IL17RA: variants seen among roughly 807,000 people sequenced by gnomAD.
IL17RA encodes the protein interleukin-17 receptor A.
A neutral mutation model predicts 50.4 loss-of-function variants in IL17RA; 34 were observed. The ratio of observed to expected loss-of-function variants is 0.67; its 90% CI spans 0.51 to 0.90. IL17RA has a LOEUF of 0.90. IL17RA is among the 40% of genes least tolerant of loss of function. The pLI is 0.00. For synonymous variants in IL17RA, 585 were observed against 510.4 expected, an observed-to-expected ratio of 1.15 and a Z score of -1.97; for missense variants, 1,276 against 1,169.8, an observed-to-expected ratio of 1.09 and a Z score of -1.32.
chr22:17,104,490 T>C (rs890054699), intron 8 of IL17RA, among the ~76,000 whole-genome samples: 21 of 152,050 alleles, frequency 1.4e-4, no homozygotes, highest in Admixed American at 9.8e-4. Flanking sequence ...CAAGCACCAC[T>C]ACCAGTCAGG....
intron 10 of IL17RA, 115 bp downstream of exon 10, chr22:17,105,717 G>GA (rs775810928): frequency 3.4e-5 from 46 of 1,354,158 alleles, no homozygotes; most frequent in Middle Eastern, 2.1e-4. Context: ...GGCCAGCCCG[G>GA]GGTGGGGGGT....
At chr22:17,089,553 G>T (rs1192585784) in intron 1 of IL17RA, among the ~76,000 whole-genome samples, 2 of 152,142 alleles carry the variant, frequency 1.3e-5, no homozygotes, top group African/African-American at 4.8e-5. Flanking sequence ...TCACAAGCAG[G>T]TAGCTCATAG....
intron 1 of IL17RA, among the ~76,000 whole-genome samples, chr22:17,086,245 A>G (rs1248517967): frequency 1.3e-5 from 2 of 151,566 alleles, no homozygotes; most frequent in African/African-American, 4.9e-5. Context: ...CTCCACCTCC[A>G]CCGCTGACCC....
rs138366380 is a variant in IL17RA at position 17,110,038 on chromosome 22, G to A, written c.*218G>A. 465 of 586,310 alleles carry A rather than the reference G, an allele frequency of 7.9e-4. 2 individuals carry two copies. The highest frequency in any genetic ancestry group is 7.7e-3 in the African/African-American group (411 of 53,700). The allele number at this position is 586,310 out of a possible 1,614,324, so 36.3% of individuals were successfully genotyped here. A position where few individuals can be genotyped will look rare whatever the true frequency, so the allele number is the denominator to read the frequency against. On this transcript the variant is annotated 3_prime_UTR_variant, in exon 13 of 13. Transcript: ENST00000319363. The stretch of plus-strand genomic sequence containing the variant: ...ATCCCCAGGGGAATCCACACAGCCC[G>A]CTCCCAGGAGCTAATGGTAGAGCGT...
At chr22:17,094,734 T>C (rs1228501413) in intron 1 of IL17RA, among the ~76,000 whole-genome samples, 2 of 126,038 alleles carry the variant, frequency 1.6e-5, no homozygotes, top group African/African-American at 3.1e-5. Context: ...GAGATCTTTT[T>C]CATGACTTAT....
intron 5 of IL17RA, 58 bp downstream of exon 5, chr22:17,100,539 C>G: frequency 6.2e-7 from 1 of 1,600,216 alleles, no homozygotes; most frequent in Non-Finnish European, 8.5e-7. Context: ...AAGGAAGCAC[C>G]AGGTGGCACA....
Position 17,109,061 on chromosome 22 carries a change from A to T in IL17RA, c.1842A>T (p.Gly614=). ...EVFEEPLLPP[G]TGIVKRAPLV... is the part of the protein sequence containing the mutation. ...TTGAGGAGCCACTGCTGCCTCCGGGAACCGGCATCGTGAAGCGGGCGCCCC... is the reference window on the plus strand; with the variant it reads ...TTGAGGAGCCACTGCTGCCTCCGGGTACCGGCATCGTGAAGCGGGCGCCCC... Residue 614 remains glycine, a synonymous_variant, in exon 13 of 13, where the codon GGA becomes GGT. Transcript: ENST00000319363. The T allele has an allele frequency of 1.3e-6, 2 of 1,587,572 alleles. No individual in the cohort carries two copies. The highest frequency in any genetic ancestry group is 1.7e-6 in the Non-Finnish European group (2 of 1,174,938).
At position 17,097,844 on chromosome 22, in the gene IL17RA, T is replaced by TC. The variant is rs2123798029; in HGVS notation, c.213dup (p.Ser72LeufsTer52). On this transcript the variant is annotated frameshift_variant, in exon 3 of 13. Transcript: ENST00000319363. LOFTEE classifies it high-confidence loss of function. ...GATTCACCCTCGAAACCTGACCCCC[T>TC]CCTCCCCAAAGGACCTGCAGATCCA... 1.9e-6 allele frequency: 3 copies of TC among 1,614,066 alleles called. No homozygotes were observed. Among genetic ancestry groups the TC allele is most frequent in the Non-Finnish European group, 2.5e-6 (3 of 1,180,010 alleles).
chr22:17,094,691 C>CTCTATATATATATA (rs1448096911), intron 1 of IL17RA, among the ~76,000 whole-genome samples: 6 of 24,702 alleles, frequency 2.4e-4, no homozygotes, highest in African/African-American at 9.0e-4. Flanking sequence ...CTCTCTCTCT[C>CTCTATATATATATA]TATATATATA....
chr22:17,106,092 G>C, intron 11 of IL17RA, 138 bp downstream of exon 11: 1 of 728,560 alleles, frequency 1.4e-6, no homozygotes, highest in Non-Finnish European at 2.5e-6. Flanking sequence ...TGTAAGGACT[G>C]AGTGAAATAA....
In IL17RA at chr22:17,113,954, G is replaced by A. The variant is rs1340788611; in HGVS notation, c.*4134G>A. 2 of 152,158 alleles carry A rather than the reference G, an allele frequency of 1.3e-5. No homozygotes were observed. The highest frequency in any genetic ancestry group is 6.5e-5 in the Admixed American group (1 of 15,284). 9.4% of individuals were successfully genotyped at this position (152,158 alleles called of 1,614,324 possible). ...GGCAGAGCAGTTTGTGCCCCCTGAGGTACCACTGATCCTCTTTCCCTGCTA... is the reference window on the plus strand; with the variant it reads ...GGCAGAGCAGTTTGTGCCCCCTGAGATACCACTGATCCTCTTTCCCTGCTA... On this transcript the variant is annotated 3_prime_UTR_variant, in exon 13 of 13. Transcript: ENST00000319363.
intron 1 of IL17RA, among the ~76,000 whole-genome samples, chr22:17,095,660 G>A (rs2061365882): frequency 6.6e-6 from 1 of 152,172 alleles, no homozygotes. Context: ...ACTCAGGGGA[G>A]TTAATCTTCT....
intron 11 of IL17RA, among the ~76,000 whole-genome samples, 161 bp downstream of exon 11, chr22:17,106,115 C>T (rs1213184948): frequency 6.6e-6 from 1 of 152,248 alleles, no homozygotes; most frequent in Non-Finnish European, 1.5e-5. Flanking sequence ...CACATGAATT[C>T]TTAGCACAGA....
In IL17RA at chr22:17,110,154, A is replaced by G; in HGVS notation, c.*334A>G. On this transcript the variant is annotated 3_prime_UTR_variant, in exon 13 of 13. Transcript: ENST00000319363. ...GATACCAAGATAAATTGCATGCGGC[A>G]TGGCCCCAGCCATGAAGGAACTTAA... is the stretch of plus-strand genomic sequence containing the variant. 1 of 375,578 alleles carries G rather than the reference A, an allele frequency of 2.7e-6. No homozygotes were observed. The highest frequency in any genetic ancestry group is 5.0e-6 in the Non-Finnish European group (1 of 198,956). 23.3% of individuals were successfully genotyped at this position (375,578 alleles called of 1,614,324 possible). A position where few individuals can be genotyped will look rare whatever the true frequency, so the allele number is the denominator to read the frequency against.
In IL17RA at chr22:17,097,903, G is replaced by T. The variant is rs758692465; in HGVS notation, c.270G>T (p.Leu90=). The T allele has an allele frequency of 6.2e-7, 1 of 1,614,170 alleles. No individual in the cohort carries two copies. Among genetic ancestry groups the T allele is most frequent in the South Asian group, 1.1e-5 (1 of 91,088 alleles). ...LHFAHTQQGD[L]FPVAHIEWTL... The stretch of plus-strand genomic sequence containing the variant: ...TTGCCCACACCCAACAAGGAGACCT[G>T]TTCCCCGTGGCTCACATCGAATGGA... Residue 90 remains leucine (L), a synonymous_variant, in exon 3 of 13, where the codon CTG becomes CTT. Coordinates refer to ENST00000319363, the MANE Select transcript of IL17RA (RefSeq NM_014339.7).
rs2061446159 is a variant in IL17RA at position 17,112,214 on chromosome 22, T to C, written c.*2394T>C. 6.6e-6 allele frequency: 1 copy of C among 152,258 alleles called. No individual in the cohort carries two copies. The highest frequency in any genetic ancestry group is 2.4e-5 in the African/African-American group (1 of 41,436). The allele number at this position is 152,258 out of a possible 1,614,324, so 9.4% of individuals were successfully genotyped here. A position where few individuals can be genotyped will look rare whatever the true frequency, so the allele number is the denominator to read the frequency against. ...CTTGAATTCTAGCTCTGCTGGCCTT[T>C]GAGCCCATGCCAGTAAATGTCCTGA... On this transcript the variant is annotated 3_prime_UTR_variant, in exon 13 of 13. Transcript: ENST00000319363.
At position 17,108,817 on chromosome 22, in the gene IL17RA, A is replaced by T. The variant is rs1381389770; in HGVS notation, c.1598A>T (p.Tyr533Phe). 1.2e-6 allele frequency: 2 copies of T among 1,607,138 alleles called. No homozygotes were observed. Among genetic ancestry groups the T allele is most frequent in the Admixed American group, 1.7e-5 (1 of 59,112 alleles). The change falls in exon 13 of 13, where the codon TAC becomes TTC. Residue 533 changes from tyrosine to phenylalanine, a missense_variant. Physicochemically the swap from Tyr to Phe is conservative, Grantham distance 22. Transcript: ENST00000319363. ...YPLMDRFEEV[Y>F]FRIQDLEMFQ... The stretch of plus-strand genomic sequence containing the variant: ...CTCATGGACAGGTTCGAGGAGGTGT[A>T]CTTCCGCATCCAGGACCTGGAGATG...
In IL17RA at chr22:17,111,343, A is replaced by T. The variant is rs1485726564; in HGVS notation, c.*1523A>T. Reference sequence around the variant, plus strand: ...GAGCTGTTAGCACGTAGGATTCTTCAGAGCAGCTGGGCTGGAGCTCCCCTG... The same window carrying T: ...GAGCTGTTAGCACGTAGGATTCTTCTGAGCAGCTGGGCTGGAGCTCCCCTG... On this transcript the variant is annotated 3_prime_UTR_variant, in exon 13 of 13. Transcript: ENST00000319363. The T allele has an allele frequency of 6.6e-6, 1 of 152,232 alleles. No homozygotes were observed. The allele number at this position is 152,232 out of a possible 1,614,324, so 9.4% of individuals were successfully genotyped here. A position where few individuals can be genotyped will look rare whatever the true frequency, so the allele number is the denominator to read the frequency against.
chr22:17,090,051 C>T (rs1052299606), intron 1 of IL17RA, among the ~76,000 whole-genome samples: 1 of 151,458 alleles, frequency 6.6e-6, no homozygotes, highest in Middle Eastern at 3.4e-3. Context: ...GAGACGGAGT[C>T]TCGCTCTGTC....
Sources: allele counts gnomAD v4.1 joint callset (sites outside exome capture counted in the v4.1 genomes callset), GRCh38; gene constraint gnomAD v4.1.1; transcripts MANE v1.5; gene names NCBI Gene and HGNC (gene_info 2026-07-23, HGNC 2026-07-21).